Variants in ADGRG1 observed in about 807,000 individuals in gnomAD.
ADGRG1 encodes the protein 7-transmembrane protein with no EGF-like N-terminal domains-1.
Under a neutral mutation model 73.5 loss-of-function variants are expected in ADGRG1, and 53 were observed. The observed-to-expected ratio is 0.72, with a 90% confidence interval of 0.58 to 0.91. The LOEUF is 0.91. ADGRG1 is among the 40% of genes least tolerant of loss of function. The pLI, the probability that ADGRG1 is intolerant of heterozygous loss-of-function variation, is 0.00. For synonymous variants in ADGRG1, 394 were observed against 374.4 expected, an observed-to-expected ratio of 1.05 and a Z score of -0.60; for missense variants, 795 against 871.8, an observed-to-expected ratio of 0.91 and a Z score of 1.11.
upstream of ADGRG1, chr16:57,625,492 G>T (rs1394425484): frequency 3.6e-6 from 3 of 835,236 alleles, no homozygotes; most frequent in Non-Finnish European, 4.3e-6. Flanking sequence ...CTCCTCCCCC[G>T]CTCTTCCCCC....
At chr16:57,662,944 G>A (rs1377309357) in intron 13 of ADGRG1, 1 of 985,254 alleles carries the variant, frequency 1.0e-6, no homozygotes, top group African/African-American at 1.7e-5. Flanking sequence ...GTGGTGGGGA[G>A]ATGTTACCAC....
chr16:57,626,967 G>A (rs935084558), upstream of ADGRG1: 8 of 985,458 alleles, frequency 8.1e-6, no homozygotes, highest in African/African-American at 1.7e-5. Context: ...CTGCAGCCCC[G>A]GGAGAGAGCA....
chr16:57,652,159 C>A (rs2044262366), intron 3 of ADGRG1: 4 of 1,007,424 alleles, frequency 4.0e-6, no homozygotes, highest in Non-Finnish European at 4.8e-6. Flanking sequence ...TATGAGAGGT[C>A]AAAGGTCAGG....
rs927755309 is a variant in ADGRG1 at position 57,631,489 on chromosome 16, G to T, written c.-36+2687G>T. On this transcript the variant is annotated intron_variant, in intron 1 of 13. Coordinates refer to ENST00000562631, the MANE Select transcript of ADGRG1 (RefSeq NM_201525.4). ...TCGGGTGGAAGTAGGGAGGAGAGGG[G>T]AGTGTGACAACAGAGCCCCAAACCC... is the stretch of plus-strand genomic sequence containing the variant. The T allele has an allele frequency of 6.1e-6, 6 of 985,466 alleles. No individual in the cohort carries two copies. In the African/African-American group the frequency reaches 8.7e-5, roughly 14 times the overall value. The allele number at this position is 985,466 out of a possible 1,614,324, so 61.0% of individuals were successfully genotyped here.
upstream of ADGRG1, chr16:57,626,576 C>T: frequency 1.0e-6 from 1 of 985,308 alleles, no homozygotes; most frequent in East Asian, 1.1e-4. Context: ...GCCAACTCCG[C>T]CCAGCCAGGC....
Position 57,664,057 on chromosome 16 carries a change from C to T in ADGRG1, c.*475C>T, listed in dbSNP as rs2047872087. 5.3e-6 allele frequency: 1 copy of T among 188,888 alleles called. No homozygotes were observed. Among genetic ancestry groups the T allele is most frequent in the African/African-American group, 2.4e-5 (1 of 42,208 alleles). The allele number at this position is 188,888 out of a possible 1,614,324, so 11.7% of individuals were successfully genotyped here. A position where few individuals can be genotyped will look rare whatever the true frequency, so the allele number is the denominator to read the frequency against. On this transcript the variant is annotated 3_prime_UTR_variant, in exon 14 of 14. Transcript: ENST00000562631. ...CTGTCATTTTAACCTCAGGTGGCAC[C>T]CAGGGCGAATGGGGCCCAGGGCAGA... is the stretch of plus-strand genomic sequence containing the variant.
intron 1 of ADGRG1, chr16:57,621,295 T>G (rs2034755778): frequency 6.6e-6 from 1 of 152,012 alleles, no homozygotes; most frequent in Non-Finnish European, 1.5e-5. Context: ...ATTTCTGGGA[T>G]GTGTTGGGGG....
rs1477804771 is a variant in ADGRG1 at position 57,637,755 on chromosome 16, T to C, written c.-36+8953T>C. Reference sequence around the variant, plus strand: ...ACGGAGGGGCGGGGGAGAAGGGGAGTTGCAGAGACACCATCCCCTCAGCCC... The same window carrying C: ...ACGGAGGGGCGGGGGAGAAGGGGAGCTGCAGAGACACCATCCCCTCAGCCC... On this transcript the variant is annotated intron_variant, in intron 1 of 13. Transcript: ENST00000562631. The C allele has an allele frequency of 1.5e-5, 14 of 945,918 alleles. No homozygotes were observed. The African/African-American group carries it at 2.5e-4, about 17-fold the overall frequency. 58.6% of individuals were successfully genotyped at this position (945,918 alleles called of 1,614,324 possible).
At chr16:57,641,324 C>A (rs140424623) in intron 1 of ADGRG1, 2 of 985,290 alleles carry the variant, frequency 2.0e-6, no homozygotes, top group Non-Finnish European at 2.4e-6. Context: ...TGTGCCCTGG[C>A]GCCCAGGAGG....
chr16:57,635,435 A>G, intron 1 of ADGRG1: 1 of 985,270 alleles, frequency 1.0e-6, no homozygotes, highest in Non-Finnish European at 1.2e-6. Flanking sequence ...CCAGTGCAGC[A>G]CCCTTGCCAG....
At chr16:57,642,225 G>A in intron 1 of ADGRG1, 1 of 985,446 alleles carries the variant, frequency 1.0e-6, no homozygotes, top group Middle Eastern at 5.2e-4. Flanking sequence ...GACAGGCCTG[G>A]CAGTGCCCTT....
intron 1 of ADGRG1, among the ~76,000 whole-genome samples, chr16:57,638,171 G>A (rs193188411): frequency 1.4e-4 from 21 of 152,232 alleles, no homozygotes; most frequent in Admixed American, 1.0e-3. Flanking sequence ...AGCATTGAAC[G>A]TGGGGGAGAG....
intron 1 of ADGRG1, chr16:57,631,913 G>A (rs2038056365): frequency 2.1e-6 from 2 of 965,198 alleles, no homozygotes; most frequent in African/African-American, 3.5e-5. Flanking sequence ...CAAGGGTTGG[G>A]GAGTAGGAAG....
upstream of ADGRG1, chr16:57,628,152 T>G (rs1293721852): frequency 6.1e-6 from 6 of 985,166 alleles, no homozygotes; most frequent in Non-Finnish European, 7.2e-6. Context: ...CCCTCCCGAC[T>G]GCCTTCCGCT....
chr16:57,632,305 GC>G (rs1182648695), intron 1 of ADGRG1: 1 of 985,338 alleles, frequency 1.0e-6, no homozygotes, highest in Admixed American at 6.1e-5. Flanking sequence ...AGCAAGGGTG[GC>G]TTGCCCAGGG....
chr16:57,649,015 A>AG (rs1296174240), intron 1 of ADGRG1, among the ~76,000 whole-genome samples: 2 of 152,202 alleles, frequency 1.3e-5, no homozygotes, highest in East Asian at 3.9e-4. Context: ...ATGCAGATGC[A>AG]GGGGTGGGAT....
intron 5 of ADGRG1, chr16:57,655,130 G>A (rs1354874346): frequency 2.3e-5 from 23 of 985,382 alleles, no homozygotes; most frequent in Non-Finnish European, 2.7e-5. Flanking sequence ...GCTGGCATCT[G>A]AAGCCCCAGA....
At chr16:57,653,942 C>T (rs748989108) in intron 4 of ADGRG1, 44 bp from the exon 5 acceptor site, 27 of 1,612,212 alleles carry the variant, frequency 1.7e-5, no homozygotes, top group African/African-American at 2.7e-5. Flanking sequence ...CCTGGTGGCC[C>T]GGCCCCCTCC....
chr16:57,644,837 A>ACC (rs201631113), intron 1 of ADGRG1, among the ~76,000 whole-genome samples: 1 of 139,290 alleles, frequency 7.2e-6, no homozygotes, highest in Non-Finnish European at 1.5e-5. Context: ...CACACTGATC[A>ACC]CACTCATGCA....
Sources: gnomAD v4.1 joint callset for allele counts (sites outside exome capture counted in the v4.1 genomes callset) on GRCh38, gnomAD v4.1.1 for gene constraint, MANE v1.5 for transcripts, NCBI Gene and HGNC (gene_info 2026-07-23, HGNC 2026-07-21) for gene names.